PPP2R2B: variants seen among roughly 807,000 people sequenced by gnomAD.
PPP2R2B encodes the protein protein phosphatase 2 regulatory subunit Bbeta.
In PPP2R2B, 5 loss-of-function variants were observed where a neutral mutation model predicts 46.0. The ratio of observed to expected loss-of-function variants is 0.11; its 90% CI spans 0.06 to 0.23. The LOEUF is 0.23. Among genes scored for constraint, PPP2R2B ranks in the 10% least tolerant of loss-of-function variants. PPP2R2B has a pLI of 1.00. For synonymous variants in PPP2R2B, 215 were observed against 206.7 expected (o/e 1.04, Z -0.34); for missense variants, 367 against 575.0 (o/e 0.64, Z 3.70).
chr5:146,817,211 A>G (rs767696891), intron 2 of PPP2R2B, among the ~76,000 whole-genome samples: 2 of 152,132 alleles, frequency 1.3e-5, no homozygotes, highest in Non-Finnish European at 2.9e-5. Flanking sequence ...GACTCATCCT[A>G]AAACTCAATC....
chr5:146,760,223 T>C (rs1561885019), intron 2 of PPP2R2B, among the ~76,000 whole-genome samples: 2 of 152,226 alleles, frequency 1.3e-5, no homozygotes, highest in Non-Finnish European at 2.9e-5. Flanking sequence ...GCTTTATATG[T>C]ACCCTCTTAA....
At chr5:146,652,204 G>A (rs151214240) in intron 5 of PPP2R2B, among the ~76,000 whole-genome samples, 435 of 152,284 alleles carry the variant, frequency 2.9e-3, no homozygotes, top group Non-Finnish European at 5.0e-3. Flanking sequence ...TGAGGTCTGG[G>A]CAACTAACCT....
chr5:146,914,116 G>A (rs988357755), intron 1 of PPP2R2B: 1 of 152,072 alleles, frequency 6.6e-6, no homozygotes, highest in Non-Finnish European at 1.5e-5. Flanking sequence ...TGGACTTAGT[G>A]CATATGTAAA....
intron 1 of PPP2R2B, chr5:146,919,642 T>G (rs1763521731): frequency 6.6e-6 from 1 of 152,204 alleles, no homozygotes; most frequent in Admixed American, 6.5e-5. Context: ...CAGATGACTA[T>G]GTTCATACAC....
At chr5:146,893,596 G>A (rs576592350) in intron 1 of PPP2R2B, among the ~76,000 whole-genome samples, 8 of 152,122 alleles carry the variant, frequency 5.3e-5, no homozygotes, top group Admixed American at 2.0e-4. Flanking sequence ...CAGGTGGGCG[G>A]ATCATTTGAG....
intron 2 of PPP2R2B, among the ~76,000 whole-genome samples, chr5:146,851,081 T>C (rs181362414): frequency 6.6e-6 from 1 of 152,292 alleles, no homozygotes; most frequent in Non-Finnish European, 1.5e-5. Context: ...ATGAATATTA[T>C]TCAATATTAC....
In PPP2R2B at chr5:146,583,711, T is replaced by C. The variant is rs1770005791; in HGVS notation, c.*6236A>G. The C allele has an allele frequency of 6.6e-6, 1 of 152,194 alleles. No individual in the cohort carries two copies. The highest frequency in any genetic ancestry group is 6.5e-5 in the Admixed American group (1 of 15,278). The allele number at this position is 152,194 out of a possible 1,614,324, so 9.4% of individuals were successfully genotyped here. A position where few individuals can be genotyped will look rare whatever the true frequency, so the allele number is the denominator to read the frequency against. Reference sequence around the variant, plus strand: ...ATTAACCATTTAGTAAATGAATGAATGAATGCATGAAATTCGCCCAACTGA... The same window carrying C: ...ATTAACCATTTAGTAAATGAATGAACGAATGCATGAAATTCGCCCAACTGA... On this transcript the variant is annotated 3_prime_UTR_variant, in exon 10 of 10. Coordinates refer to ENST00000394411, the MANE Select transcript of PPP2R2B (RefSeq NM_181675.4).
At chr5:146,961,119 A>G (rs1752152591) in intron 1 of PPP2R2B, among the ~76,000 whole-genome samples, 1 of 152,202 alleles carries the variant, frequency 6.6e-6, no homozygotes, top group Non-Finnish European at 1.5e-5. Flanking sequence ...GTTATACTGT[A>G]AATATGTATT....
intron 2 of PPP2R2B, among the ~76,000 whole-genome samples, chr5:146,789,760 G>T (rs530762877): frequency 3.3e-5 from 5 of 152,238 alleles, no homozygotes; most frequent in Admixed American, 2.6e-4. Flanking sequence ...TAGGTGGTCA[G>T]GGCTGACCTC....
At chr5:146,806,844 G>A (rs371100461) in intron 2 of PPP2R2B, among the ~76,000 whole-genome samples, 5 of 152,320 alleles carry the variant, frequency 3.3e-5, no homozygotes, top group South Asian at 4.2e-4. Context: ...AGACACTGCC[G>A]CCACCTGAGG....
chr5:146,712,526 A>T (rs1342421729), intron 2 of PPP2R2B, among the ~76,000 whole-genome samples: 1 of 152,232 alleles, frequency 6.6e-6, no homozygotes, highest in Admixed American at 6.5e-5. Context: ...AAAATCTATT[A>T]TATTTGACTT....
chr5:146,893,636 A>T (rs931373412), intron 1 of PPP2R2B, among the ~76,000 whole-genome samples: 1 of 152,050 alleles, frequency 6.6e-6, no homozygotes, highest in African/African-American at 2.4e-5. Context: ...CAATACGGTG[A>T]AAACCCGTCT....
In PPP2R2B at chr5:147,039,899, A is replaced by G. The variant is rs544777770; in HGVS notation, c.79+15766T>C. 3.5e-4 allele frequency among the ~76,000 whole-genome samples: 54 copies of G among 152,290 alleles called. 1 individual carries two copies. The South Asian group carries it at 0.011, about 32-fold the overall frequency. On this transcript the variant is annotated intron_variant, in intron 1 of 8. Transcript: ENST00000336640. ...TCAAGTAATACTTAATAAAGGGACC[A>G]ACAAATGGCCCAACACTAAATTTCC... is the stretch of plus-strand genomic sequence containing the variant.
chr5:146,825,279 A>C (rs1758509885), intron 2 of PPP2R2B, among the ~76,000 whole-genome samples: 1 of 152,188 alleles, frequency 6.6e-6, no homozygotes, highest in Non-Finnish European at 1.5e-5. Flanking sequence ...TCTTTGGTTC[A>C]GCAGGAGACA....
At chr5:146,892,900 G>A (rs909472653) in intron 1 of PPP2R2B, among the ~76,000 whole-genome samples, 2 of 152,146 alleles carry the variant, frequency 1.3e-5, no homozygotes, top group Non-Finnish European at 2.9e-5. Flanking sequence ...GAAACATTTT[G>A]TCAAATGCTG....
At chr5:146,638,086 A>G (rs757897762) in intron 7 of PPP2R2B, among the ~76,000 whole-genome samples, 165 bp downstream of exon 7, 1 of 152,198 alleles carries the variant, frequency 6.6e-6, no homozygotes, top group Non-Finnish European at 1.5e-5. Flanking sequence ...TCGAACACAA[A>G]TGTTCATCTT....
intron 2 of PPP2R2B, among the ~76,000 whole-genome samples, chr5:146,745,826 T>C (rs534743566): frequency 2.6e-5 from 4 of 152,130 alleles, no homozygotes; most frequent in African/African-American, 7.2e-5. Flanking sequence ...GGCATGGTGG[T>C]GCATGCCTAT....
chr5:147,059,494 AG>A (rs148463520), upstream of PPP2R2B, among the ~76,000 whole-genome samples: 1,984 of 152,242 alleles, frequency 0.013, 37 homozygotes, highest in African/African-American at 0.044. Context: ...TATAAGGAGA[AG>A]GGAGGATCTA....
At chr5:146,886,057 G>C (rs959976422) in intron 1 of PPP2R2B, among the ~76,000 whole-genome samples, 1 of 152,256 alleles carries the variant, frequency 6.6e-6, no homozygotes, top group African/African-American at 2.4e-5. Flanking sequence ...AGATAGGGGC[G>C]GCCGGGCGCG....
Sources: gnomAD v4.1 joint callset for allele counts (sites outside exome capture counted in the v4.1 genomes callset) on GRCh38, gnomAD v4.1.1 for gene constraint, MANE v1.5 for transcripts, NCBI Gene and HGNC (gene_info 2026-07-23, HGNC 2026-07-21) for gene names.